Variants in ADAMTS6 observed in about 807,000 individuals in gnomAD.
The protein encoded by ADAMTS6 is ADAM metallopeptidase with thrombospondin type 1 motif 6.
A neutral mutation model predicts 144.3 loss-of-function variants in ADAMTS6; 23 were observed. That is an observed-to-expected ratio of 0.16 (90% CI 0.11 to 0.23). The LOEUF (loss-of-function observed/expected upper bound fraction) is 0.23. ADAMTS6 is among the 10% of genes least tolerant of loss of function. ADAMTS6 has a pLI of 1.00. For synonymous variants in ADAMTS6, 444 were observed against 457.5 expected, an observed-to-expected ratio of 0.97 and a Z score of 0.38; for missense variants, 999 against 1,379.6, an observed-to-expected ratio of 0.72 and a Z score of 4.37.
At chr5:65,454,285 A>C (rs1759007969) in intron 4 of ADAMTS6, among the ~76,000 whole-genome samples, 1 of 152,202 alleles carries the variant, frequency 6.6e-6, no homozygotes, top group African/African-American at 2.4e-5. Flanking sequence ...CAGCAGCAAG[A>C]AATGTGCTAA....
intron 9 of ADAMTS6, among the ~76,000 whole-genome samples, chr5:65,312,987 C>T (rs1033037608): frequency 6.6e-6 from 1 of 152,022 alleles, no homozygotes; most frequent in Non-Finnish European, 1.5e-5. Context: ...ATAGCTAAAA[C>T]TCTTACCAGT....
At chr5:65,393,371 T>C (rs1191306020) in intron 7 of ADAMTS6, among the ~76,000 whole-genome samples, 11 of 152,356 alleles carry the variant, frequency 7.2e-5, no homozygotes, top group Admixed American at 5.2e-4. Flanking sequence ...AGTATATTAA[T>C]GCATGTTTGT....
chr5:65,208,749 G>A (rs1756292267), intron 20 of ADAMTS6, among the ~76,000 whole-genome samples: 1 of 152,096 alleles, frequency 6.6e-6, no homozygotes, highest in Admixed American at 6.5e-5. Context: ...CTGAGCAGTA[G>A]AACCACCTGT....
intron 7 of ADAMTS6, among the ~76,000 whole-genome samples, chr5:65,411,589 C>T (rs937062707): frequency 9.9e-5 from 15 of 152,004 alleles, no homozygotes; most frequent in East Asian, 5.8e-4. Context: ...TGTCTCAAAC[C>T]GGAGTATGAG....
intron 11 of ADAMTS6, among the ~76,000 whole-genome samples, chr5:65,279,240 C>T (rs1006414590): frequency 2.0e-5 from 3 of 150,218 alleles, no homozygotes; most frequent in South Asian, 2.1e-4. Flanking sequence ...CCACCGTACC[C>T]GACCTTTGTA....
chr5:65,412,158 G>C (rs942762958), intron 7 of ADAMTS6, among the ~76,000 whole-genome samples: 2 of 152,026 alleles, frequency 1.3e-5, no homozygotes, highest in Non-Finnish European at 2.9e-5. Flanking sequence ...TGCAAGAAAA[G>C]ATCTTTAATG....
chr5:65,256,378 G>A (rs1298489876), intron 14 of ADAMTS6: 1 of 152,120 alleles, frequency 6.6e-6, no homozygotes, highest in African/African-American at 2.4e-5. Flanking sequence ...GCAAGCCCCA[G>A]CTTAAACAAA....
At chr5:65,326,577 C>T (rs1408086900) in intron 9 of ADAMTS6, among the ~76,000 whole-genome samples, 1 of 152,154 alleles carries the variant, frequency 6.6e-6, no homozygotes, top group Non-Finnish European at 1.5e-5. Flanking sequence ...AAAATATTCA[C>T]ACAGTCTAGT....
chr5:65,260,530 A>C, intron 14 of ADAMTS6, 70 bp downstream of exon 14: 1 of 1,279,760 alleles, frequency 7.8e-7, no homozygotes, highest in Non-Finnish European at 1.1e-6. Flanking sequence ...ATAGTTTAAA[A>C]TTAAAAAAAT....
chr5:65,406,972 A>G (rs1379193707), intron 7 of ADAMTS6, among the ~76,000 whole-genome samples: 1 of 152,178 alleles, frequency 6.6e-6, no homozygotes, highest in Non-Finnish European at 1.5e-5. Context: ...CCTCCAAGAA[A>G]TATGGGACTA....
intron 14 of ADAMTS6, among the ~76,000 whole-genome samples, chr5:65,244,116 A>C (rs1317305356): frequency 1.3e-5 from 2 of 152,148 alleles, no homozygotes; most frequent in Non-Finnish European, 2.9e-5. Context: ...CAGGTACCAA[A>C]GTATTATAGA....
At chr5:65,367,880 ATATATATATGTG>A (rs1045537804) in intron 7 of ADAMTS6, among the ~76,000 whole-genome samples, 42 of 151,708 alleles carry the variant, frequency 2.8e-4, no homozygotes, top group Middle Eastern at 3.2e-3. Flanking sequence ...ATGTGTGTGT[ATATATATATGTG>A]TATATATATG....
intron 7 of ADAMTS6, among the ~76,000 whole-genome samples, chr5:65,344,986 T>A (rs1022450667): frequency 6.6e-6 from 1 of 151,860 alleles, no homozygotes; most frequent in Non-Finnish European, 1.5e-5. Flanking sequence ...AAATTTTTCT[T>A]ACATATCTCT....
intron 7 of ADAMTS6, among the ~76,000 whole-genome samples, chr5:65,407,624 T>A (rs959245564): frequency 9.2e-5 from 14 of 151,856 alleles, no homozygotes; most frequent in Non-Finnish European, 2.1e-4. Context: ...TTGCTGAGAA[T>A]GATGGTTTCC....
chr5:65,432,316 G>A (rs565724248), intron 7 of ADAMTS6, among the ~76,000 whole-genome samples: 7 of 151,964 alleles, frequency 4.6e-5, no homozygotes, highest in Non-Finnish European at 8.8e-5. Flanking sequence ...ACTCATCAAA[G>A]TTCTACCTCA....
At chr5:65,308,138 G>T (rs79949599) in intron 9 of ADAMTS6, among the ~76,000 whole-genome samples, 3 of 152,226 alleles carry the variant, frequency 2.0e-5, no homozygotes, top group South Asian at 2.1e-4. Flanking sequence ...TATACAGCAG[G>T]GGGTACTGGG....
chr5:65,414,363 T>G (rs1755318571), intron 7 of ADAMTS6, among the ~76,000 whole-genome samples: 1 of 152,196 alleles, frequency 6.6e-6, no homozygotes. Flanking sequence ...TTAAATAAAT[T>G]TGTGTGCTTT....
At chr5:65,465,504 C>T (rs779559062) in intron 3 of ADAMTS6, among the ~76,000 whole-genome samples, 1 of 152,154 alleles carries the variant, frequency 6.6e-6, no homozygotes, top group Non-Finnish European at 1.5e-5. Context: ...ACACTTCTGC[C>T]TGCTACTGAA....
intron 20 of ADAMTS6, among the ~76,000 whole-genome samples, chr5:65,211,174 C>T (rs1314862873): frequency 2.0e-5 from 3 of 152,150 alleles, no homozygotes; most frequent in African/African-American, 4.8e-5. Flanking sequence ...TCATAAGCTT[C>T]TTAAGAACCT....
Sources: gnomAD v4.1 joint callset for allele counts (sites outside exome capture counted in the v4.1 genomes callset) on GRCh38, gnomAD v4.1.1 for gene constraint, MANE v1.5 for transcripts, NCBI Gene and HGNC (gene_info 2026-07-23, HGNC 2026-07-21) for gene names.